ARB2A: variants seen among roughly 807,000 people sequenced by gnomAD.
ARB2A encodes ARB2 cotranscriptional regulator A, also known as cotranscriptional regulator ARB2A.
the ARB2A span, among the ~76,000 whole-genome samples, chr5:93,827,313 T>C: frequency 1.8e-3 from 269 of 152,354 alleles, 2 homozygotes; most frequent in African/African-American, 5.5e-3. Context: ...TGGTATCTCA[T>C]TGAGGTTTTG....
At chr5:94,078,688 A>G in the ARB2A span, among the ~76,000 whole-genome samples, 1 of 152,140 alleles carries the variant, frequency 6.6e-6, no homozygotes, top group Non-Finnish European at 1.5e-5. Context: ...TAGGAATACC[A>G]GGTTCCAATC....
chr5:93,881,701 G>T, the ARB2A span: 4 of 1,459,066 alleles, frequency 2.7e-6, no homozygotes, highest in South Asian at 5.9e-5. Context: ...GTTTTGAAAT[G>T]AAAGAAGGTA....
At chr5:93,839,812 T>C in the ARB2A span, among the ~76,000 whole-genome samples, 1 of 152,174 alleles carries the variant, frequency 6.6e-6, no homozygotes, top group African/African-American at 2.4e-5. Flanking sequence ...TTTGTGTGCA[T>C]ACAGGTGTTA....
the ARB2A span, among the ~76,000 whole-genome samples, chr5:93,858,245 C>T: frequency 6.6e-6 from 1 of 152,202 alleles, no homozygotes; most frequent in African/African-American, 2.4e-5. Flanking sequence ...AGGCTTGTCA[C>T]ATAGCCACTT....
the ARB2A span, among the ~76,000 whole-genome samples, chr5:93,974,049 A>G: frequency 3.3e-5 from 5 of 152,212 alleles, no homozygotes; most frequent in African/African-American, 1.2e-4. Flanking sequence ...TCAAATATCA[A>G]TATTAACCTT....
chr5:94,064,360 C>G, the ARB2A span, among the ~76,000 whole-genome samples: 1 of 152,096 alleles, frequency 6.6e-6, no homozygotes, highest in Non-Finnish European at 1.5e-5. Context: ...TACCATAAAG[C>G]TATAAAATAC....
chr5:93,640,579 T>C, the ARB2A span, among the ~76,000 whole-genome samples: 1 of 136,374 alleles, frequency 7.3e-6, no homozygotes. Flanking sequence ...TGTGTATGTG[T>C]GTGTGTGTGT....
chr5:93,981,544 A>G, the ARB2A span, among the ~76,000 whole-genome samples: 389 of 152,180 alleles, frequency 2.6e-3, 3 homozygotes, highest in African/African-American at 9.0e-3. Flanking sequence ...AACAGACTCT[A>G]AAAGAGAACC....
the ARB2A span, among the ~76,000 whole-genome samples, chr5:93,982,256 G>GA: frequency 6.6e-6 from 1 of 152,006 alleles, no homozygotes; most frequent in Middle Eastern, 3.4e-3. Flanking sequence ...AAATTAAATT[G>GA]AAAATTCCTT....
the ARB2A span, chr5:93,737,431 G>A: frequency 6.6e-6 from 1 of 152,070 alleles, no homozygotes; most frequent in Admixed American, 6.5e-5. Context: ...TGGAAAAACT[G>A]ATCCTAAAAT....
the ARB2A span, among the ~76,000 whole-genome samples, chr5:93,903,842 A>G: frequency 3.9e-5 from 6 of 151,982 alleles, no homozygotes; most frequent in African/African-American, 1.4e-4. Context: ...TGAGTTGGTA[A>G]ATCAGTAAAC....
chr5:93,779,124 T>TGTGTGCGC, the ARB2A span, among the ~76,000 whole-genome samples: 28 of 146,298 alleles, frequency 1.9e-4, no homozygotes, highest in African/African-American at 5.7e-4. Context: ...TGTGTGTGTG[T>TGTGTGCGC]GCGCGCGCGC....
At chr5:93,889,216 T>C in the ARB2A span, among the ~76,000 whole-genome samples, 1 of 151,854 alleles carries the variant, frequency 6.6e-6, no homozygotes, top group South Asian at 2.1e-4. Context: ...AAGTTTGTGT[T>C]TGTGTTAAGA....
chr5:93,997,330 C>T, the ARB2A span, among the ~76,000 whole-genome samples: 2 of 151,946 alleles, frequency 1.3e-5, no homozygotes, highest in Admixed American at 6.6e-5. Flanking sequence ...TAGATTATAA[C>T]GTTAGCATAG....
the ARB2A span, among the ~76,000 whole-genome samples, chr5:93,766,498 T>C: frequency 4.6e-5 from 7 of 151,998 alleles, no homozygotes; most frequent in Admixed American, 1.3e-4. Flanking sequence ...GATACCATCT[T>C]ACACCAGTTA....
At chr5:94,093,669 CAAA>C in the ARB2A span, among the ~76,000 whole-genome samples, 4 of 152,130 alleles carry the variant, frequency 2.6e-5, no homozygotes, top group African/African-American at 9.7e-5. Context: ...TTATCACATG[CAAA>C]ATGCATTCAT....
At chr5:94,103,889 C>T in the ARB2A span, among the ~76,000 whole-genome samples, 1 of 148,058 alleles carries the variant, frequency 6.8e-6, no homozygotes. Flanking sequence ...GGAAATTAAA[C>T]AATCTGTTCC....
the ARB2A span, among the ~76,000 whole-genome samples, chr5:93,696,687 G>T: frequency 6.6e-6 from 1 of 151,888 alleles, no homozygotes; most frequent in Admixed American, 6.6e-5. Flanking sequence ...AGATAGAAGT[G>T]TTTTTTTTGG....
chr5:93,622,098 G>A, the ARB2A span, among the ~76,000 whole-genome samples: 4 of 152,242 alleles, frequency 2.6e-5, no homozygotes, highest in Non-Finnish European at 5.9e-5. Context: ...AACAGATGAG[G>A]AAATACATTT....
Sources: allele counts gnomAD v4.1 joint callset (sites outside exome capture counted in the v4.1 genomes callset), GRCh38; gene constraint gnomAD v4.1.1; transcripts MANE v1.5; gene names NCBI Gene and HGNC (gene_info 2026-07-23, HGNC 2026-07-21).